Variants in PHF14 observed in about 807,000 individuals in gnomAD.
The protein encoded by PHF14 is PHD finger protein 14.
PHF14 carries 55 observed loss-of-function variants against 117.9 expected under a neutral mutation model. The observed-to-expected ratio is 0.47, with a 90% CI of 0.38 to 0.58. PHF14 has a LOEUF of 0.58. PHF14 is among the 20% of genes least tolerant of loss of function. The probability of loss-of-function intolerance (pLI) is 0.00; values close to 1 mark genes in which losing one functional copy is unlikely to be tolerated. For missense variants in PHF14, 978 were observed against 1,122.2 expected (o/e 0.87, Z 1.84); for synonymous variants, 409 against 368.6 (o/e 1.11, Z -1.26).
chr7:11,168,769 A>G (rs1052478343), intron 17 of PHF14, among the ~76,000 whole-genome samples: 2 of 152,182 alleles, frequency 1.3e-5, no homozygotes, highest in Non-Finnish European at 2.9e-5. Flanking sequence ...CATTGCTTAT[A>G]CTTTGAAGGT....
intron 4 of PHF14, among the ~76,000 whole-genome samples, chr7:11,003,088 G>A (rs111805460): frequency 0.015 from 2,275 of 152,212 alleles, 44 homozygotes; most frequent in African/African-American, 0.052. Context: ...TTACAGGCGT[G>A]TGCCACCACA....
intron 4 of PHF14, among the ~76,000 whole-genome samples, chr7:11,005,787 CTTTTTT>C (rs951270672): frequency 1.4e-3 from 122 of 84,466 alleles, no homozygotes; most frequent in African/African-American, 4.8e-3. Context: ...AGTAAAAATT[CTTTTTT>C]TTTTTTTTTT....
chr7:11,168,346 A>G (rs1394520384), intron 17 of PHF14, among the ~76,000 whole-genome samples: 1 of 152,216 alleles, frequency 6.6e-6, no homozygotes, highest in Non-Finnish European at 1.5e-5. Flanking sequence ...GAAACAAAGT[A>G]TATAAAAAAG....
At chr7:10,995,076 T>C (rs1160973154) in intron 4 of PHF14, among the ~76,000 whole-genome samples, 2 of 152,176 alleles carry the variant, frequency 1.3e-5, no homozygotes, top group Admixed American at 1.3e-4. Context: ...GTTCTCCAAG[T>C]CCGCACAGAG....
intron 17 of PHF14, among the ~76,000 whole-genome samples, chr7:11,111,888 T>C (rs1313361505): frequency 8.4e-6 from 1 of 118,572 alleles, no homozygotes; most frequent in African/African-American, 3.3e-5. Context: ...TATTGTAATA[T>C]CTTATAGAAT....
At chr7:11,080,289 C>G (rs1786043606) in intron 16 of PHF14, among the ~76,000 whole-genome samples, 1 of 152,066 alleles carries the variant, frequency 6.6e-6, no homozygotes, top group African/African-American at 2.4e-5. Flanking sequence ...AACTTGATAA[C>G]TTATATTACA....
chr7:11,022,223 A>G (rs1233409559), intron 5 of PHF14, among the ~76,000 whole-genome samples: 1 of 152,166 alleles, frequency 6.6e-6, no homozygotes, highest in African/African-American at 2.4e-5. Context: ...AAATATTTAT[A>G]TTTGGGGCAT....
Position 11,063,052 on chromosome 7 carries a change from T to TA in PHF14, c.2654+967_2654+968insA. The TA allele has an allele frequency of 4.3e-6, 3 of 696,090 alleles. No homozygotes were observed. In the South Asian group the frequency reaches 2.1e-4, roughly 48 times the overall value. 43.1% of individuals were successfully genotyped at this position (696,090 alleles called of 1,614,324 possible). A position where few individuals can be genotyped will look rare whatever the true frequency, so the allele number is the denominator to read the frequency against. ...AAATACTTACTTCCAAATGATTTAA[T>TA]CTATTTTGGTCATTAAAATATGTCT... On this transcript the variant is annotated intron_variant, in intron 16 of 17. Coordinates refer to ENST00000634607, the MANE Select transcript of PHF14 (RefSeq NM_001007157.2).
At chr7:11,023,652 C>T (rs1783810064) in intron 6 of PHF14, among the ~76,000 whole-genome samples, 1 of 152,156 alleles carries the variant, frequency 6.6e-6, no homozygotes, top group Non-Finnish European at 1.5e-5. Context: ...CATGGCGAAA[C>T]CTCGTCTCTA....
chr7:10,984,478 A>G (rs1225826008), intron 3 of PHF14, among the ~76,000 whole-genome samples: 1 of 152,190 alleles, frequency 6.6e-6, no homozygotes, highest in African/African-American at 2.4e-5. Context: ...TATCAATGCT[A>G]TCTTAAACAG....
At chr7:11,117,621 G>GTATAAATACAAATATGTATTTA (rs1562474275) in intron 17 of PHF14, among the ~76,000 whole-genome samples, 16 of 71,006 alleles carry the variant, frequency 2.3e-4, no homozygotes, top group East Asian at 1.6e-3. Flanking sequence ...ATATGTATTT[G>GTATAAATACAAATATGTATTTA]TATGTATAAA....
At chr7:11,095,233 C>G (rs1194924861) in intron 16 of PHF14, among the ~76,000 whole-genome samples, 1 of 152,114 alleles carries the variant, frequency 6.6e-6, no homozygotes, top group African/African-American at 2.4e-5. Flanking sequence ...TCCTTAAACT[C>G]TATAAGGTGG....
At chr7:11,110,639 G>T in intron 16 of PHF14, 2 of 436,344 alleles carry the variant, frequency 4.6e-6, no homozygotes, top group Non-Finnish European at 6.0e-6. Flanking sequence ...GAAGTACTTT[G>T]TAAAACCAAA....
intron 3 of PHF14, among the ~76,000 whole-genome samples, chr7:10,990,490 TAAATA>T (rs957757147): frequency 2.8e-4 from 42 of 152,114 alleles, no homozygotes; most frequent in African/African-American, 8.9e-4. Flanking sequence ...AGTGAAAAAT[TAAATA>T]AGAGGGTGCT....
intron 2 of PHF14, among the ~76,000 whole-genome samples, chr7:10,975,614 T>C (rs1320628176): frequency 1.3e-5 from 2 of 152,246 alleles, no homozygotes; most frequent in Non-Finnish European, 2.9e-5. Context: ...TATGTATATA[T>C]ACAGTTTCAA....
At chr7:11,147,165 G>A (rs1474245563) in intron 17 of PHF14, among the ~76,000 whole-genome samples, 1 of 152,112 alleles carries the variant, frequency 6.6e-6, no homozygotes, top group Admixed American at 6.6e-5. Context: ...TATTCAAAGT[G>A]AAAGCTGAGA....
At chr7:11,075,246 C>T (rs1022179375) in intron 16 of PHF14, among the ~76,000 whole-genome samples, 4 of 152,034 alleles carry the variant, frequency 2.6e-5, no homozygotes, top group African/African-American at 9.7e-5. Flanking sequence ...GCCTTTCAGA[C>T]ATCTTTATAG....
intron 16 of PHF14, among the ~76,000 whole-genome samples, chr7:11,090,941 A>G (rs924199152): frequency 1.3e-5 from 2 of 152,188 alleles, no homozygotes; most frequent in African/African-American, 2.4e-5. Flanking sequence ...AGACACAAAT[A>G]AAGACAAAGT....
chr7:11,068,673 A>G (rs961550777), intron 16 of PHF14, among the ~76,000 whole-genome samples: 30 of 152,146 alleles, frequency 2.0e-4, no homozygotes, highest in Non-Finnish European at 2.9e-5. Flanking sequence ...AATGGTTAAG[A>G]TGGTCAATGC....
Sources: allele counts gnomAD v4.1 joint callset (sites outside exome capture counted in the v4.1 genomes callset), GRCh38; gene constraint gnomAD v4.1.1; transcripts MANE v1.5; gene names NCBI Gene and HGNC (gene_info 2026-07-23, HGNC 2026-07-21).